SCHIP1: variants seen among roughly 807,000 people sequenced by gnomAD.
SCHIP1 encodes the protein schwannomin-interacting protein 1.
SCHIP1 carries 8 observed loss-of-function variants against 29.7 expected under a neutral mutation model. The observed-to-expected ratio is 0.27, with a 90% CI of 0.16 to 0.49. The LOEUF (loss-of-function observed/expected upper bound fraction) is 0.49. Among genes scored for constraint, SCHIP1 ranks in the 20% least tolerant of loss-of-function variants. The pLI is 0.99. For missense variants in SCHIP1, 193 were observed against 294.6 expected, an observed-to-expected ratio of 0.66 and a Z score of 2.52; for synonymous variants, 76 against 94.9, an observed-to-expected ratio of 0.80 and a Z score of 1.16.
chr3:159,743,837 C>G, the SCHIP1 span, among the ~76,000 whole-genome samples: 1 of 152,096 alleles, frequency 6.6e-6, no homozygotes, highest in Admixed American at 6.5e-5. Context: ...GTAAAGGGCA[C>G]AAGGGATTTT....
the SCHIP1 span, among the ~76,000 whole-genome samples, chr3:159,760,097 T>G: frequency 6.7e-6 from 1 of 148,484 alleles, no homozygotes; most frequent in Non-Finnish European, 1.5e-5. Context: ...GTGGGGGGGA[T>G]ATACAGCACA....
At chr3:159,687,199 G>A in the SCHIP1 span, among the ~76,000 whole-genome samples, 2 of 151,956 alleles carry the variant, frequency 1.3e-5, no homozygotes, top group Non-Finnish European at 2.9e-5. Flanking sequence ...ACAGAAAGTA[G>A]GAGAAAAATT....
the SCHIP1 span, among the ~76,000 whole-genome samples, chr3:159,306,964 G>T: frequency 3.3e-4 from 50 of 151,942 alleles, no homozygotes; most frequent in African/African-American, 1.1e-3. Flanking sequence ...TACTACTCTC[G>T]GGATTTAATC....
chr3:159,354,738 A>G, the SCHIP1 span, among the ~76,000 whole-genome samples: 1 of 152,152 alleles, frequency 6.6e-6, no homozygotes, highest in African/African-American at 2.4e-5. Context: ...GAGGGTTAGC[A>G]TTTTTTTAAA....
the SCHIP1 span, chr3:159,764,737 CG>C: frequency 6.4e-7 from 1 of 1,572,208 alleles, no homozygotes; most frequent in Non-Finnish European, 8.6e-7. The surrounding 1 kb of genome is among the most constrained non-coding windows in gnomAD (Gnocchi z 6.1). Flanking sequence ...CTCTCCGGCC[CG>C]GGAACCGGGG....
At chr3:159,325,595 T>C in the SCHIP1 span, among the ~76,000 whole-genome samples, 2 of 152,242 alleles carry the variant, frequency 1.3e-5, no homozygotes, top group South Asian at 4.1e-4. Flanking sequence ...TATGTGTTTG[T>C]AATAAATACA....
At chr3:159,462,134 C>T in the SCHIP1 span, among the ~76,000 whole-genome samples, 2 of 152,098 alleles carry the variant, frequency 1.3e-5, no homozygotes, top group Non-Finnish European at 1.5e-5. Flanking sequence ...CACTTGAATC[C>T]AGGAGGCGAG....
chr3:159,359,089 A>G, the SCHIP1 span, among the ~76,000 whole-genome samples: 112,017 of 151,424 alleles, frequency 0.74, 42,115 homozygotes, highest in African/African-American at 0.87. Context: ...CACCATGCCC[A>G]GCTAATTTTT....
At chr3:159,365,741 G>T in the SCHIP1 span, among the ~76,000 whole-genome samples, 1 of 152,110 alleles carries the variant, frequency 6.6e-6, no homozygotes, top group South Asian at 2.1e-4. Flanking sequence ...CATAGAGAAT[G>T]CATGCCCCTC....
At chr3:159,277,769 AATTAGTGGGGC>A in the SCHIP1 span, among the ~76,000 whole-genome samples, 1 of 151,978 alleles carries the variant, frequency 6.6e-6, no homozygotes, top group African/African-American at 2.4e-5. Flanking sequence ...AAAATACAAA[AATTAGTGGGGC>A]ATGGTGGCAG....
chr3:159,849,474 A>G (rs1560081167), intron 1 of SCHIP1, among the ~76,000 whole-genome samples: 1 of 152,232 alleles, frequency 6.6e-6, no homozygotes, highest in Non-Finnish European at 1.5e-5. Flanking sequence ...TAACCCAGAT[A>G]AGAATGAAAT....
the SCHIP1 span, among the ~76,000 whole-genome samples, chr3:159,401,657 A>C: frequency 6.6e-6 from 1 of 152,326 alleles, no homozygotes; most frequent in East Asian, 1.9e-4. Flanking sequence ...TGCCCTCTCT[A>C]TACACATTGT....
the SCHIP1 span, among the ~76,000 whole-genome samples, chr3:159,471,816 T>C: frequency 1.1e-3 from 171 of 152,274 alleles, no homozygotes; most frequent in African/African-American, 4.0e-3. Flanking sequence ...AATCAACTTA[T>C]GGAACCATTT....
At chr3:159,430,920 G>A in the SCHIP1 span, among the ~76,000 whole-genome samples, 2 of 152,102 alleles carry the variant, frequency 1.3e-5, no homozygotes, top group East Asian at 3.9e-4. Flanking sequence ...GCAGGCCAGG[G>A]ATATCTTGAG....
the SCHIP1 span, among the ~76,000 whole-genome samples, chr3:159,638,152 A>T: frequency 2.0e-5 from 3 of 152,158 alleles, no homozygotes; most frequent in African/African-American, 7.2e-5. Context: ...GAAGATACAG[A>T]CTGTCCTTGC....
At chr3:159,789,605 A>C in the SCHIP1 span, among the ~76,000 whole-genome samples, 1 of 152,292 alleles carries the variant, frequency 6.6e-6, no homozygotes, top group South Asian at 2.1e-4. Context: ...CTGATTCAGG[A>C]GGTCTAGGGT....
At chr3:159,551,551 T>C in the SCHIP1 span, among the ~76,000 whole-genome samples, 17,805 of 152,202 alleles carry the variant, frequency 0.12, 1,442 homozygotes, top group Admixed American at 0.26. Context: ...GTTATTTCAC[T>C]GGTAACATTT....
At chr3:159,297,023 T>C in the SCHIP1 span, among the ~76,000 whole-genome samples, 84 of 152,154 alleles carry the variant, frequency 5.5e-4, no homozygotes, top group Non-Finnish European at 1.0e-4. Context: ...ATGCCTTGTC[T>C]TTCTGTGTCT....
At chr3:159,822,452 G>A in the SCHIP1 span, among the ~76,000 whole-genome samples, 4 of 151,786 alleles carry the variant, frequency 2.6e-5, no homozygotes, top group Non-Finnish European at 5.9e-5. Context: ...TGGAGAAGGG[G>A]AGGCTTGAAG....
Sources: allele counts gnomAD v4.1 joint callset (sites outside exome capture counted in the v4.1 genomes callset), GRCh38; gene constraint gnomAD v4.1.1; non-coding constraint Gnocchi (gnomAD v3.1); transcripts MANE v1.5; gene names NCBI Gene and HGNC (gene_info 2026-07-23, HGNC 2026-07-21).